The following ERBIN variants were observed in gnomAD, a reference collection of about 807,000 sequenced individuals.
ERBIN encodes the protein densin-180-like protein.
A neutral mutation model predicts 158.4 loss-of-function variants in ERBIN; 60 were observed. The ratio of observed to expected loss-of-function variants is 0.38; its 90% CI spans 0.31 to 0.47. The LOEUF is 0.47. ERBIN is among the 20% of genes least tolerant of loss of function. ERBIN has a pLI of 0.99. For synonymous variants in ERBIN, 594 were observed against 557.2 expected (o/e 1.07, Z -0.93); for missense variants, 1,610 against 1,648.0 (o/e 0.98, Z 0.40).
chr5:66,068,076 C>T (rs1383581592), intron 21 of ERBIN, among the ~76,000 whole-genome samples: 1 of 151,828 alleles, frequency 6.6e-6, no homozygotes, highest in Non-Finnish European at 1.5e-5. Context: ...ACCTGTAATC[C>T]CAGCAGTTTA....
Position 66,023,397 on chromosome 5 carries a change from A to G in ERBIN, c.672+33A>G, listed in dbSNP as rs199927523. The G allele has an allele frequency of 2.8e-6, 4 of 1,426,552 alleles. No individual in the cohort carries two copies. The Admixed American group carries it at 7.0e-5, about 25-fold the overall frequency. 88.4% of individuals were successfully genotyped at this position (1,426,552 alleles called of 1,614,324 possible). On this transcript the variant is annotated intron_variant, in intron 9 of 25. Transcript: ENST00000284037. ...TATGAGATTTTAAATGGCATCACTTATTTCTGGCTCTCCTTTGCAGTTTTG... is the reference window on the plus strand; with the variant it reads ...TATGAGATTTTAAATGGCATCACTTGTTTCTGGCTCTCCTTTGCAGTTTTG...
intron 21 of ERBIN, among the ~76,000 whole-genome samples, chr5:66,064,768 G>A (rs1242991621): frequency 6.6e-6 from 1 of 152,128 alleles, no homozygotes; most frequent in African/African-American, 2.4e-5. Flanking sequence ...AAACACTTGG[G>A]TTAAAATTGT....
intron 20 of ERBIN, among the ~76,000 whole-genome samples, chr5:66,052,218 C>A (rs1284036951): frequency 3.3e-5 from 5 of 149,812 alleles, no homozygotes; most frequent in Admixed American, 3.3e-4. Context: ...AAAAAAAGAT[C>A]GGGGTTACTA....
At chr5:66,037,460 T>A (rs1757506285) in intron 14 of ERBIN, among the ~76,000 whole-genome samples, 3 of 152,172 alleles carry the variant, frequency 2.0e-5, no homozygotes, top group Admixed American at 2.0e-4. Flanking sequence ...AGAAGCACTG[T>A]CTTTGGGAAG....
In ERBIN at chr5:66,046,465, G is replaced by GTT; in HGVS notation, c.1717_1718dup (p.Leu573PhefsTer4). 6.2e-7 allele frequency: 1 copy of GTT among 1,611,778 alleles called. No homozygotes were observed. Among genetic ancestry groups the GTT allele is most frequent in the Non-Finnish European group, 8.5e-7 (1 of 1,178,568 alleles). On this transcript the variant is annotated frameshift_variant, in exon 18 of 26. Coordinates refer to ENST00000284037, the MANE Select transcript of ERBIN (RefSeq NM_001253697.2). LOFTEE classifies it high-confidence loss of function. ...CCTGAAGCTGAGATTAGTCCTGGGA[G>GTT]TTTACCAGTGACTGCAAATATGAAA... is the stretch of plus-strand genomic sequence containing the variant.
chr5:66,064,000 A>T (rs1760737103), intron 21 of ERBIN, among the ~76,000 whole-genome samples: 1 of 152,214 alleles, frequency 6.6e-6, no homozygotes, highest in Non-Finnish European at 1.5e-5. Flanking sequence ...TTCATAGTTT[A>T]GGTAATAACT....
At chr5:65,981,008 C>T (rs1750596019) in intron 1 of ERBIN, among the ~76,000 whole-genome samples, 1 of 152,172 alleles carries the variant, frequency 6.6e-6, no homozygotes, top group South Asian at 2.1e-4. Flanking sequence ...CATTCATGTA[C>T]ACGTGGAACC....
At chr5:66,076,210 T>C (rs547390076) in intron 23 of ERBIN, 106 bp from the exon 24 acceptor site, 4 of 773,510 alleles carry the variant, frequency 5.2e-6, no homozygotes, top group East Asian at 2.6e-5. Context: ...TGAATTCTTA[T>C]GTTTATGTTT....
At chr5:66,074,829 CTT>C (rs991079207) in intron 22 of ERBIN, among the ~76,000 whole-genome samples, 193 bp from the exon 23 acceptor site, 35 of 152,184 alleles carry the variant, frequency 2.3e-4, no homozygotes, top group African/African-American at 8.2e-4. Flanking sequence ...ACTCAGGAAA[CTT>C]TAGAATTAAG....
chr5:65,994,903 A>G (rs748389016), intron 4 of ERBIN, 39 bp downstream of exon 4: 1 of 1,197,756 alleles, frequency 8.3e-7, no homozygotes, highest in Non-Finnish European at 1.2e-6. Flanking sequence ...GTACTTGGGA[A>G]CATGTTTCAT....
chr5:65,959,221 A>T (rs1182270277), intron 1 of ERBIN, among the ~76,000 whole-genome samples: 1 of 152,138 alleles, frequency 6.6e-6, no homozygotes, highest in Non-Finnish European at 1.5e-5. Flanking sequence ...GGTGGAAATA[A>T]TGGTAATTTG....
At chr5:66,069,732 T>C (rs1400108718) in intron 21 of ERBIN, among the ~76,000 whole-genome samples, 1 of 152,188 alleles carries the variant, frequency 6.6e-6, no homozygotes, top group African/African-American at 2.4e-5. Flanking sequence ...CCCCTCTCCT[T>C]CAATCCCGAA....
intron 14 of ERBIN, among the ~76,000 whole-genome samples, chr5:66,037,103 A>G (rs538279168): frequency 1.3e-5 from 2 of 152,290 alleles, no homozygotes; most frequent in East Asian, 3.9e-4. Context: ...TAATTTTTAT[A>G]TGCTCATCTA....
chr5:66,056,823 G>C lies in ERBIN; in HGVS notation c.3633+1872G>C, dbSNP rs192023946. Among the ~76,000 whole-genome samples, 13 of 149,250 alleles carry C rather than the reference G, an allele frequency of 8.7e-5. No homozygotes were observed. In the Admixed American group the frequency reaches 9.1e-4, roughly 10 times the overall value. On this transcript the variant is annotated intron_variant, in intron 21 of 25. Coordinates refer to ENST00000284037, the MANE Select transcript of ERBIN (RefSeq NM_001253697.2). ...TGCTTGCCCAGACTCCTGCCTTCCA[G>C]ACCACTAGTTGACTACACTGTAGTA...
At chr5:65,968,696 G>A (rs1447734095) in intron 1 of ERBIN, among the ~76,000 whole-genome samples, 1 of 152,090 alleles carries the variant, frequency 6.6e-6, no homozygotes, top group East Asian at 1.9e-4. Context: ...GAGTAGCTGG[G>A]ACTACAAGCG....
intron 4 of ERBIN, among the ~76,000 whole-genome samples, chr5:66,008,491 T>C (rs1753855859): frequency 1.3e-5 from 2 of 151,870 alleles, no homozygotes; most frequent in Non-Finnish European, 2.9e-5. Flanking sequence ...TTCCACTAAA[T>C]AATATTAAGC....
At position 66,028,319 on chromosome 5, in the gene ERBIN, A is replaced by G. The variant is rs551218146; in HGVS notation, c.1182A>G (p.Thr394=). The G allele has an allele frequency of 2.4e-5, 39 of 1,612,642 alleles. No homozygotes were observed. The highest frequency in any genetic ancestry group is 3.3e-5 in the Non-Finnish European group (39 of 1,179,150). Residue 394 remains threonine, a synonymous_variant, in exon 14 of 26, where the codon ACA becomes ACG. Transcript: ENST00000284037. ...GCTTTACAAAGCTACAGCAATTGAC[A>G]GCTATGTGGCTCTCAGATAATCAGG... ...PFSFTKLQQL[T]AMWLSDNQSK...
At chr5:66,076,251 T>C in intron 23 of ERBIN, 65 bp from the exon 24 acceptor site, 3 of 1,179,612 alleles carry the variant, frequency 2.5e-6, no homozygotes, top group Admixed American at 1.9e-5. Flanking sequence ...TATTTAAATA[T>C]GGATGTTGTT....
At chr5:65,978,834 TC>T (rs1157569849) in intron 1 of ERBIN, among the ~76,000 whole-genome samples, 7 of 152,186 alleles carry the variant, frequency 4.6e-5, no homozygotes, top group African/African-American at 1.7e-4. Context: ...AATCATGTAG[TC>T]CTGCAAATTC....
Sources: gnomAD v4.1 joint callset for allele counts (sites outside exome capture counted in the v4.1 genomes callset) on GRCh38, gnomAD v4.1.1 for gene constraint, MANE v1.5 for transcripts, NCBI Gene and HGNC (gene_info 2026-07-23, HGNC 2026-07-21) for gene names.